Variants in EVC2 observed in about 807,000 individuals in gnomAD.
The protein encoded by EVC2 is EvC ciliary complex subunit 2, also known as limbin.
EVC2 carries 148 observed loss-of-function variants against 149.3 expected under a neutral mutation model. The observed-to-expected ratio is 0.99, with a 90% CI of 0.87 to 1.14. EVC2 has a LOEUF of 1.14. Among genes scored for constraint, EVC2 ranks in the 50% most tolerant of loss-of-function variants. The pLI, the probability that EVC2 is intolerant of heterozygous loss-of-function variation, is 0.00. For synonymous variants in EVC2, 776 were observed against 649.9 expected (o/e 1.19, Z -2.95); for missense variants, 1,854 against 1,627.3 (o/e 1.14, Z -2.40).
intron 7 of EVC2, among the ~76,000 whole-genome samples, chr4:5,675,724 C>CA (rs1200129445): frequency 4.6e-5 from 7 of 152,196 alleles, no homozygotes; most frequent in African/African-American, 1.7e-4. Flanking sequence ...GTGGGTGGAT[C>CA]ACCTGAGGTC....
Position 5,640,865 on chromosome 4 carries a change from T to C in EVC2, c.1146-27A>G, listed in dbSNP as rs770488585. 6.2e-7 allele frequency: 1 copy of C among 1,613,472 alleles called. No individual in the cohort carries two copies. Among genetic ancestry groups the C allele is most frequent in the African/African-American group, 1.3e-5 (1 of 74,896 alleles). On this transcript the variant is annotated intron_variant, in intron 9 of 21. Coordinates refer to ENST00000344408, the MANE Select transcript of EVC2 (RefSeq NM_147127.5). This position sits in a 1 kb window ranked among gnomAD's most constrained non-coding sequence, Gnocchi z 4.6. ...TAGGAAACACAAAAATCAAAAGAAT[T>C]CCATTACATGAAATTGCAACAGAAA... is the stretch of plus-strand genomic sequence containing the variant.
intron 9 of EVC2, among the ~76,000 whole-genome samples, chr4:5,643,386 T>C (rs563914523): frequency 4.0e-5 from 6 of 151,820 alleles, no homozygotes; most frequent in Non-Finnish European, 8.8e-5. Flanking sequence ...CACCATGTAA[T>C]TGTTTTTTTC....
intron 14 of EVC2, among the ~76,000 whole-genome samples, chr4:5,619,783 A>AG (rs1404135514): frequency 7.2e-5 from 11 of 152,196 alleles, no homozygotes; most frequent in Non-Finnish European, 1.2e-4. Flanking sequence ...CTCATCCTCA[A>AG]GGGGGCTGGT....
intron 11 of EVC2, among the ~76,000 whole-genome samples, chr4:5,631,096 AAG>A (rs2108850256): frequency 6.6e-6 from 1 of 152,330 alleles, no homozygotes; most frequent in South Asian, 2.1e-4. Context: ...ACTACCGCCT[AAG>A]AAATTATTTT....
At position 5,625,872 on chromosome 4, in the gene EVC2, T is replaced by A. The variant is rs1193715900; in HGVS notation, c.1923A>T (p.Leu641=). 1.2e-6 allele frequency: 2 copies of A among 1,614,118 alleles called. No individual in the cohort carries two copies. The highest frequency in any genetic ancestry group is 2.2e-5 in the East Asian group (1 of 44,860). ...AGACTTCTGTCTGAGCCCGCTCCAA[T>A]AGCATTTCCATTTGGTCTTCATCCA... ...GYLDEDQMEM[L]LERAQTEVFS... Residue 641 remains leucine (L), a synonymous_variant, in exon 13 of 22, where the codon CTA becomes CTT. Coordinates refer to ENST00000344408, the MANE Select transcript of EVC2 (RefSeq NM_147127.5). The surrounding 1 kb of genome is among the most constrained non-coding windows in gnomAD (Gnocchi z 4.0).
downstream of EVC2, among the ~76,000 whole-genome samples, chr4:5,557,582 T>C (rs1332570242): frequency 6.6e-6 from 1 of 152,100 alleles, no homozygotes; most frequent in Non-Finnish European, 1.5e-5. Flanking sequence ...GGAAATAAAA[T>C]GTATACAAAT....
intron 7 of EVC2, among the ~76,000 whole-genome samples, chr4:5,671,475 G>C (rs1382733841): frequency 2.0e-5 from 3 of 152,078 alleles, no homozygotes. Context: ...CACAGACCAG[G>C]CTTTATTCCC....
chr4:5,628,529 T>C (rs749857042), intron 12 of EVC2, 30 bp downstream of exon 12: 2 of 1,612,922 alleles, frequency 1.2e-6, no homozygotes, highest in Admixed American at 3.3e-5. Flanking sequence ...CTAAGACAGT[T>C]CGCACTGTTG....
downstream of EVC2, among the ~76,000 whole-genome samples, chr4:5,538,845 A>G (rs1043223317): frequency 6.6e-6 from 1 of 152,116 alleles, no homozygotes; most frequent in Admixed American, 6.5e-5. Flanking sequence ...TCCACGAAAA[A>G]CCCACAGCTA....
At chr4:5,545,101 T>C (rs772448637) in intron 21 of EVC2, among the ~76,000 whole-genome samples, 17 of 152,300 alleles carry the variant, frequency 1.1e-4, no homozygotes, top group Non-Finnish European at 2.5e-4. Context: ...GGGGGCTTCC[T>C]TCCACAATGC....
At chr4:5,668,572 C>T (rs537775348) in intron 7 of EVC2, among the ~76,000 whole-genome samples, 14 of 152,102 alleles carry the variant, frequency 9.2e-5, no homozygotes, top group Non-Finnish European at 1.6e-4. Context: ...GCTGAATAAA[C>T]GTAAATAGCA....
chr4:5,559,619 A>G (rs1305544888), downstream of EVC2, among the ~76,000 whole-genome samples: 1 of 152,174 alleles, frequency 6.6e-6, no homozygotes, highest in Non-Finnish European at 1.5e-5. This position sits in a 1 kb window ranked among gnomAD's most constrained non-coding sequence, Gnocchi z 5.0. Flanking sequence ...ATAAGGAAGT[A>G]CTCGGAAAAA....
chr4:5,568,988 C>G (rs1048485431), intron 19 of EVC2, among the ~76,000 whole-genome samples: 6 of 152,192 alleles, frequency 3.9e-5, no homozygotes, highest in Non-Finnish European at 5.9e-5. Flanking sequence ...AGGCACCAGG[C>G]GAGCAGTGCA....
exon 22 of EVC2, chr4:5,543,155 T>G: frequency 7.8e-7 from 1 of 1,289,836 alleles, no homozygotes; most frequent in Non-Finnish European, 1.0e-6. Context: ...TCCACTCAAT[T>G]AACCCAATCT....
intron 16 of EVC2, among the ~76,000 whole-genome samples, chr4:5,594,382 A>G (rs1192395502): frequency 6.6e-6 from 1 of 152,178 alleles, no homozygotes; most frequent in Non-Finnish European, 1.5e-5. Context: ...AAACTTCCAG[A>G]GGAACGATCA....
intron 7 of EVC2, among the ~76,000 whole-genome samples, chr4:5,671,198 CAGAT>C (rs1719628063): frequency 6.6e-6 from 1 of 152,208 alleles, no homozygotes; most frequent in Non-Finnish European, 1.5e-5. Flanking sequence ...CCCAAGGTCA[CAGAT>C]AGAGTAAGTA....
chr4:5,559,201 C>A (rs115856008), downstream of EVC2, among the ~76,000 whole-genome samples: 769 of 152,010 alleles, frequency 5.1e-3, 10 homozygotes, highest in African/African-American at 0.017. This position sits in a 1 kb window ranked among gnomAD's most constrained non-coding sequence, Gnocchi z 5.0. Flanking sequence ...GAAATAAGAC[C>A]ATGTCTCAAA....
rs1413555963 is a variant in EVC2 at position 5,657,267 on chromosome 4, T to C, written c.1145+5840A>G. ...TTTTCCTCCTCTGCTGTCCTCACCT[T>C]GAACTTCATTGAGAAGCATCTGACA... On this transcript the variant is annotated intron_variant, in intron 9 of 21. Transcript: ENST00000344408. The surrounding 1 kb of genome is among the most constrained non-coding windows in gnomAD (Gnocchi z 4.7). 6.6e-6 allele frequency among the ~76,000 whole-genome samples: 1 copy of C among 152,118 alleles called. No homozygotes were observed. Among genetic ancestry groups the C allele is most frequent in the Non-Finnish European group, 1.5e-5 (1 of 68,022 alleles).
intron 21 of EVC2, among the ~76,000 whole-genome samples, chr4:5,543,905 G>A (rs1721564312): frequency 6.6e-6 from 1 of 152,166 alleles, no homozygotes; most frequent in African/African-American, 2.4e-5. Context: ...CAGGCCTCAG[G>A]TCTCAGCTAA....
Sources: gnomAD v4.1 joint callset for allele counts (sites outside exome capture counted in the v4.1 genomes callset) on GRCh38, gnomAD v4.1.1 for gene constraint, Gnocchi (gnomAD v3.1) non-coding constraint, MANE v1.5 for transcripts, NCBI Gene and HGNC (gene_info 2026-07-23, HGNC 2026-07-21) for gene names.